ADAMTS5: variants seen among roughly 807,000 people sequenced by gnomAD.
The protein encoded by ADAMTS5 is ADAM metallopeptidase with thrombospondin type 1 motif 5, also known as A disintegrin and metalloproteinase with thrombospondin motifs 5.
In ADAMTS5, 54 loss-of-function variants were observed where a neutral mutation model predicts 81.4. That is an observed-to-expected ratio of 0.66 (90% CI 0.53 to 0.83). The LOEUF (loss-of-function observed/expected upper bound fraction) is 0.83, where lower values mean the gene tolerates loss of function less well. Ranked by LOEUF, ADAMTS5 falls within the 40% of genes least tolerant of loss-of-function variation. The pLI is 0.00. For missense variants in ADAMTS5, 1,194 were observed against 1,229.9 expected (o/e 0.97, Z 0.44); for synonymous variants, 532 against 508.8 (o/e 1.05, Z -0.61).
chr21:26,965,386 T>C lies in ADAMTS5; in HGVS notation c.1006A>G (p.Thr336Ala), dbSNP rs548134010. 12 of 1,614,138 alleles carry C rather than the reference T, an allele frequency of 7.4e-6. No individual in the cohort carries two copies. Among genetic ancestry groups the C allele is most frequent in the Non-Finnish European group, 1.0e-5 (12 of 1,180,050 alleles). ...CACTTGCAAAAGTTCTTGAGTGTGG[T>C]GGCAGCGTTCTTGCTCACTTCCAGG... is the stretch of plus-strand genomic sequence containing the variant. ...KSLEVSKNAA[T>A]TLKNFCKWQH... Residue 336 changes from threonine (T) to alanine (A), a missense_variant, in exon 1 of 8, where the codon ACC becomes GCC. Around this residue, in one of 2 missense-constraint regions of ADAMTS5, gnomAD observed 696 missense variants for 817.6 expected, o/e 0.85. Coordinates refer to ENST00000284987, the MANE Select transcript of ADAMTS5 (RefSeq NM_007038.5).
rs1283131405 is a variant in ADAMTS5 at position 26,966,380 on chromosome 21, C to T, written c.12G>A (p.Gly4=). The change falls in exon 1 of 8, where the codon GGG becomes GGA. Residue 4 remains glycine (G), a synonymous_variant. Coordinates refer to ENST00000284987, the MANE Select transcript of ADAMTS5 (RefSeq NM_007038.5). ...ACGCGCACAGCAGCAGGGACGCCCA[C>T]CCGAGCAGCATAGTGCGCTGCCCGC... MLL[G]WASLLLCAFR... 1 of 1,487,410 alleles carries T rather than the reference C, an allele frequency of 6.7e-7. No homozygotes were observed. Among genetic ancestry groups the T allele is most frequent in the Admixed American group, 2.3e-5 (1 of 43,856 alleles). 92.1% of individuals were successfully genotyped at this position (1,487,410 alleles called of 1,614,324 possible).
intron 1 of ADAMTS5, among the ~76,000 whole-genome samples, chr21:26,960,827 C>T (rs1987516383): frequency 6.6e-6 from 1 of 152,212 alleles, no homozygotes; most frequent in Non-Finnish European, 1.5e-5. Context: ...TCCCATTGAA[C>T]ATGATGGTTT....
intron 1 of ADAMTS5, among the ~76,000 whole-genome samples, chr21:26,963,145 T>C (rs980821492): frequency 4.6e-5 from 7 of 151,990 alleles, no homozygotes. Flanking sequence ...ATGTGAAATA[T>C]TTTCCATGTG....
In ADAMTS5 at chr21:26,934,538, C is replaced by T. The variant is rs267606088; in HGVS notation, c.1617G>A (p.Gly539=). 16 of 1,614,204 alleles carry T rather than the reference C, an allele frequency of 9.9e-6. No homozygotes were observed. The highest frequency in any genetic ancestry group is 1.2e-5 in the Non-Finnish European group (14 of 1,180,042). ...CLTKKLPAVE[G]TPCGKGRICL... ...AGATTCTCCCCTTTCCACAAGGCGT[C>T]CCTTCCACCGCAGGCAGCTTCTTGG... The change falls in exon 4 of 8, where the codon GGG becomes GGA. Residue 539 remains glycine, a synonymous_variant. Transcript: ENST00000284987.
Position 26,966,255 on chromosome 21 carries a change from C to G in ADAMTS5, c.137G>C (p.Arg46Pro), listed in dbSNP as rs1186523751. 11 of 1,593,738 alleles carry G rather than the reference C, an allele frequency of 6.9e-6. No individual in the cohort carries two copies. Among genetic ancestry groups the G allele is most frequent in the Middle Eastern group, 1.7e-4 (1 of 5,842 alleles). ...TCGCTCCTGCACCTCCTCCCCCTGC[C>G]GCCGGCGGGGCTGGGCGGCTGCTGC... is the stretch of plus-strand genomic sequence containing the variant. ...TAAAAAQPRR[R>P]QGEEVQERAE... Residue 46 changes from arginine to proline, a missense_variant, in exon 1 of 8, where the codon CGG (arginine) becomes CCG (proline). Physicochemically the swap from Arg to Pro is moderately radical, Grantham distance 103. Coordinates refer to ENST00000284987, the MANE Select transcript of ADAMTS5 (RefSeq NM_007038.5).
chr21:26,964,529 A>G (rs1987598268), intron 1 of ADAMTS5, among the ~76,000 whole-genome samples: 1 of 152,102 alleles, frequency 6.6e-6, no homozygotes, highest in African/African-American at 2.4e-5. Flanking sequence ...AAACACGCAA[A>G]CGGGATGTGA....
At chr21:26,950,244 G>A (rs1452941771) in intron 2 of ADAMTS5, among the ~76,000 whole-genome samples, 1 of 152,178 alleles carries the variant, frequency 6.6e-6, no homozygotes, top group African/African-American at 2.4e-5. Flanking sequence ...AAATCAGATT[G>A]TTCCTCCTAG....
At chr21:26,929,280 T>C (rs1986862479) in intron 7 of ADAMTS5, among the ~76,000 whole-genome samples, 3 of 152,206 alleles carry the variant, frequency 2.0e-5, no homozygotes, top group Non-Finnish European at 2.9e-5. Flanking sequence ...TCAGTCATCC[T>C]ACCTGATAGC....
rs948510052 is a variant in ADAMTS5, at chr21:26,952,384, T to C, written c.1237+2355A>G. Among the ~76,000 whole-genome samples the C allele has an allele frequency of 4.6e-5, 7 of 152,244 alleles. 1 individual carries two copies. Among genetic ancestry groups the C allele is most frequent in the African/African-American group, 1.7e-4 (7 of 41,460 alleles). On this transcript the variant is annotated intron_variant, in intron 2 of 7. Transcript: ENST00000284987. ...TATATATTTAGTTTTAATATAACGT[T>C]TGTGCTTATCAGCATCTGGCTTCCT...
At chr21:26,959,675 T>A (rs1295800573) in intron 1 of ADAMTS5, among the ~76,000 whole-genome samples, 1 of 152,168 alleles carries the variant, frequency 6.6e-6, no homozygotes, top group Non-Finnish European at 1.5e-5. Context: ...TGAAATACAC[T>A]GTGAAAGATA....
intron 1 of ADAMTS5, among the ~76,000 whole-genome samples, chr21:26,960,361 A>G (rs912183510): frequency 1.3e-5 from 2 of 152,220 alleles, no homozygotes; most frequent in African/African-American, 4.8e-5. Context: ...TTAATTTACA[A>G]TTAAAACTTG....
At chr21:26,950,661 A>G (rs542899504) in intron 2 of ADAMTS5, among the ~76,000 whole-genome samples, 4 of 152,370 alleles carry the variant, frequency 2.6e-5, no homozygotes, top group African/African-American at 9.6e-5. Context: ...TTCAAAATCT[A>G]GCAGCTTTTT....
intron 3 of ADAMTS5, among the ~76,000 whole-genome samples, chr21:26,938,377 GAACCAGTAAGA>G (rs759164936): frequency 9.3e-4 from 141 of 152,218 alleles, no homozygotes; most frequent in Admixed American, 1.5e-3. Flanking sequence ...GATTTGAGGC[GAACCAGTAAGA>G]AAATGTGTTG....
intron 1 of ADAMTS5, among the ~76,000 whole-genome samples, chr21:26,956,386 A>G (rs1221247563): frequency 1.3e-5 from 2 of 152,208 alleles, no homozygotes; most frequent in African/African-American, 2.4e-5. Context: ...GCCTTGGTTA[A>G]TCATGTCACA....
At chr21:26,942,459 A>G (rs1239527110) in intron 3 of ADAMTS5, among the ~76,000 whole-genome samples, 1 of 152,150 alleles carries the variant, frequency 6.6e-6, no homozygotes, top group Non-Finnish European at 1.5e-5. Flanking sequence ...TAGAAACATA[A>G]ATTTTAAGAG....
intron 3 of ADAMTS5, among the ~76,000 whole-genome samples, chr21:26,936,635 T>G (rs1987019003): frequency 6.6e-6 from 1 of 152,136 alleles, no homozygotes; most frequent in South Asian, 2.1e-4. Flanking sequence ...CTATTTAACT[T>G]CTGAGCCAGA....
chr21:26,933,221 C>A (rs554103210), intron 4 of ADAMTS5, among the ~76,000 whole-genome samples, 177 bp from the exon 5 acceptor site: 1 of 152,268 alleles, frequency 6.6e-6, no homozygotes, highest in South Asian at 2.1e-4. Flanking sequence ...CAGTGCTAAG[C>A]AATTCATCTT....
chr21:26,932,167 C>A lies in ADAMTS5; in HGVS notation c.1886G>T (p.Arg629Leu). The A allele has an allele frequency of 1.2e-6, 2 of 1,613,202 alleles. No individual in the cohort carries two copies. Among genetic ancestry groups the A allele is most frequent in the Non-Finnish European group, 8.5e-7 (1 of 1,179,594 alleles). ...ATTTTTGGCCTCACACTGTTCATGA[C>A]GAAATGATTTACCTAGAAAACAAAC... ...MPCPPNGKSF[R>L]HEQCEAKNGY... The change falls in exon 6 of 8, where the codon CGT (arginine) becomes CTT (leucine). Residue 629 changes from arginine (R) to leucine (L), a missense_variant. By Grantham distance (102) the Arg-to-Leu change is moderately radical (BLOSUM62 -2). Transcript: ENST00000284987.
At chr21:26,928,723 C>T (rs939083940) in intron 7 of ADAMTS5, among the ~76,000 whole-genome samples, 5 of 137,292 alleles carry the variant, frequency 3.6e-5, no homozygotes, top group Admixed American at 1.5e-4. Context: ...TTCTCTCTTT[C>T]TTCTATCTCT....
Sources: gnomAD v4.1 joint callset for allele counts (sites outside exome capture counted in the v4.1 genomes callset) on GRCh38, gnomAD v4.1.1 for gene constraint, gnomAD v4.1.1 regional missense constraint, MANE v1.5 for transcripts, NCBI Gene and HGNC (gene_info 2026-07-23, HGNC 2026-07-21) for gene names.